Variants in PRELID3A observed in about 807,000 individuals in gnomAD.
The protein encoded by PRELID3A is PRELI domain containing 3A, also known as PRELI domain containing protein 3A.
Under a neutral mutation model 23.0 loss-of-function variants are expected in PRELID3A, and 27 were observed. The observed-to-expected ratio is 1.17, with a 90% CI of 0.87 to 1.62. PRELID3A has a LOEUF of 1.62. Among genes scored for constraint, PRELID3A ranks in the 40% most tolerant of loss-of-function variants. PRELID3A has a pLI of 0.00. For synonymous variants in PRELID3A, 87 were observed against 86.4 expected, an observed-to-expected ratio of 1.01 and a Z score of -0.04; for missense variants, 231 against 231.4, an observed-to-expected ratio of 1.00 and a Z score of 0.01.
At chr18:12,418,762 T>C (rs183741569) in intron 1 of PRELID3A, among the ~76,000 whole-genome samples, 1 of 152,334 alleles carries the variant, frequency 6.6e-6, no homozygotes, top group East Asian at 1.9e-4. Flanking sequence ...GGAAGGTCCA[T>C]GCTGGACAGG....
chr18:12,411,465 CAAAAA>C (rs398059054), intron 1 of PRELID3A, among the ~76,000 whole-genome samples: 1 of 89,652 alleles, frequency 1.1e-5, no homozygotes, highest in Admixed American at 1.3e-4. Flanking sequence ...GACTCCGTCT[CAAAAA>C]AAAAAAAAAA....
intron 3 of PRELID3A, among the ~76,000 whole-genome samples, chr18:12,425,536 G>A (rs190166483): frequency 0.024 from 3,582 of 151,896 alleles, 87 homozygotes; most frequent in East Asian, 0.13. Context: ...GGAGGCTGAG[G>A]CAGGAGAATG....
intron 1 of PRELID3A, among the ~76,000 whole-genome samples, chr18:12,409,081 G>A (rs538203508): frequency 6.6e-6 from 1 of 151,042 alleles, no homozygotes; most frequent in South Asian, 2.1e-4. Context: ...AAAGTACTGC[G>A]TGGAAGGAAA....
At chr18:12,417,936 AG>A (rs1887276569) in intron 1 of PRELID3A, among the ~76,000 whole-genome samples, 2 of 152,322 alleles carry the variant, frequency 1.3e-5, no homozygotes, top group Admixed American at 1.3e-4. Context: ...TCTATTGTTA[AG>A]AGAGGATTCC....
In PRELID3A at chr18:12,421,618, T is replaced by C. The variant is rs1304290030; in HGVS notation, c.280T>C (p.Cys94Arg). 6.2e-7 allele frequency: 1 copy of C among 1,611,522 alleles called. No individual in the cohort carries two copies. The highest frequency in any genetic ancestry group is 1.7e-5 in the Admixed American group (1 of 60,016). Residue 94 changes from cysteine (C) to arginine (R), a missense_variant, in exon 3 of 7, where the codon TGT becomes CGT. Physicochemically the swap from Cys to Arg is radical, Grantham distance 180 (BLOSUM62 -3). Coordinates refer to ENST00000440960, the MANE Select transcript of PRELID3A (RefSeq NM_001142405.2). ...TCCAGTGGAAAAGAAAATGGAACTT[T>C]GTTCTACCAATGTAAGCAATGGCCT... ...VDPVEKKMEL[C>R]STNITLTNLV... is the part of the protein sequence containing the mutation.
intron 3 of PRELID3A, among the ~76,000 whole-genome samples, chr18:12,425,355 T>C (rs2143385357): frequency 6.6e-6 from 1 of 151,084 alleles, no homozygotes; most frequent in East Asian, 2.0e-4. Context: ...GCGCAGTGGC[T>C]CATGCCTGTA....
At chr18:12,427,705 A>T (rs982102148) in intron 5 of PRELID3A, among the ~76,000 whole-genome samples, 44 of 151,904 alleles carry the variant, frequency 2.9e-4, no homozygotes, top group African/African-American at 9.4e-4. Context: ...AAAAAAAATA[A>T]AAATAAAAAT....
chr18:12,418,319 A>C (rs1447921754), intron 1 of PRELID3A, among the ~76,000 whole-genome samples: 1 of 152,226 alleles, frequency 6.6e-6, no homozygotes, highest in Non-Finnish European at 1.5e-5. Context: ...TGAAATATAC[A>C]CAGCCACAAG....
intron 2 of PRELID3A, among the ~76,000 whole-genome samples, chr18:12,421,087 C>T (rs1242731693): frequency 5.9e-5 from 9 of 152,166 alleles, no homozygotes; most frequent in African/African-American, 1.7e-4. Context: ...TCACCCCAAC[C>T]CGGCCCCTGG....
intron 3 of PRELID3A, among the ~76,000 whole-genome samples, chr18:12,425,848 G>A (rs1161820152): frequency 6.6e-6 from 1 of 151,962 alleles, no homozygotes; most frequent in Non-Finnish European, 1.5e-5. Flanking sequence ...GCTGAAGTGA[G>A]AGGATCACTT....
intron 1 of PRELID3A, among the ~76,000 whole-genome samples, chr18:12,416,222 C>A (rs1175272306): frequency 6.6e-6 from 1 of 152,230 alleles, no homozygotes; most frequent in Non-Finnish European, 1.5e-5. Flanking sequence ...TATACCCTTT[C>A]CAGTACTCAA....
intron 1 of PRELID3A, 147 bp from the exon 2 acceptor site, chr18:12,420,178 C>T (rs1214457684): frequency 2.1e-6 from 3 of 1,432,268 alleles, no homozygotes; most frequent in African/African-American, 1.4e-5. Context: ...GGAGGGCTCG[C>T]GGGACTCCTC....
intron 2 of PRELID3A, among the ~76,000 whole-genome samples, chr18:12,420,809 TG>T (rs1387547059): frequency 0.041 from 330 of 8,122 alleles, 3 homozygotes; most frequent in African/African-American, 0.13. Flanking sequence ...GGGGGGACGG[TG>T]GGGGGGTCTT....
intron 1 of PRELID3A, among the ~76,000 whole-genome samples, chr18:12,411,164 G>A (rs1193157791): frequency 1.4e-5 from 2 of 144,642 alleles, no homozygotes; most frequent in Non-Finnish European, 3.1e-5. Context: ...CTAGACAGGG[G>A]TGAAAGTAGT....
intron 6 of PRELID3A, among the ~76,000 whole-genome samples, chr18:12,430,090 C>CGT (rs1162864380): frequency 6.6e-6 from 1 of 152,240 alleles, no homozygotes; most frequent in African/African-American, 2.4e-5. Flanking sequence ...ATCTGTCCCC[C>CGT]GTGTGTGTGG....
intron 3 of PRELID3A, among the ~76,000 whole-genome samples, chr18:12,422,066 A>C (rs1314496163): frequency 6.6e-6 from 1 of 151,474 alleles, no homozygotes; most frequent in Non-Finnish European, 1.5e-5. Context: ...CAGCTTCCCA[A>C]ATAGCTGGGA....
At chr18:12,425,130 GA>G (rs11401878) in intron 3 of PRELID3A, among the ~76,000 whole-genome samples, 72 of 146,436 alleles carry the variant, frequency 4.9e-4, no homozygotes, top group African/African-American at 8.3e-4. Context: ...AACTCCATCT[GA>G]AAAAAAAAAA....
chr18:12,414,986 T>G (rs1309342718), intron 1 of PRELID3A, among the ~76,000 whole-genome samples: 1 of 152,070 alleles, frequency 6.6e-6, no homozygotes, highest in Non-Finnish European at 1.5e-5. Flanking sequence ...TGGAGTGCAG[T>G]AGTGCAATCA....
chr18:12,417,610 G>C (rs114771722), intron 1 of PRELID3A, among the ~76,000 whole-genome samples: 6 of 152,188 alleles, frequency 3.9e-5, no homozygotes, highest in Admixed American at 3.9e-4. Context: ...ATTTCTATGG[G>C]AATAAGTCTA....
Sources: allele counts gnomAD v4.1 joint callset (sites outside exome capture counted in the v4.1 genomes callset), GRCh38; gene constraint gnomAD v4.1.1; transcripts MANE v1.5; gene names NCBI Gene and HGNC (gene_info 2026-07-23, HGNC 2026-07-21).